The following PRKG1 variants were observed in gnomAD, a reference collection of about 807,000 sequenced individuals.
PRKG1 encodes protein kinase cGMP-dependent 1.
In PRKG1, 35 loss-of-function variants were observed where a neutral mutation model predicts 88.1. The observed-to-expected ratio is 0.40, with a 90% confidence interval of 0.30 to 0.53. PRKG1 has a LOEUF of 0.53. Ranked by LOEUF, PRKG1 falls within the 20% of genes least tolerant of loss-of-function variation. PRKG1 has a pLI of 0.59. For synonymous variants in PRKG1, 303 were observed against 292.5 expected, an observed-to-expected ratio of 1.04 and a Z score of -0.37; for missense variants, 540 against 839.8, an observed-to-expected ratio of 0.64 and a Z score of 4.41.
At chr10:51,121,812 G>A (rs1310621632) in intron 1 of PRKG1, among the ~76,000 whole-genome samples, 3 of 152,122 alleles carry the variant, frequency 2.0e-5, no homozygotes, top group South Asian at 4.1e-4. Context: ...CGTTGGATTC[G>A]TGAATGGTCT....
chr10:51,958,554 T>TC (rs1025977970), intron 5 of PRKG1, among the ~76,000 whole-genome samples: 5 of 151,348 alleles, frequency 3.3e-5, no homozygotes, highest in African/African-American at 1.2e-4. Context: ...TCCTTTTTTT[T>TC]TTTTTTTTCA....
At chr10:52,017,252 T>C (rs941321306) in intron 5 of PRKG1, among the ~76,000 whole-genome samples, 7 of 152,222 alleles carry the variant, frequency 4.6e-5, no homozygotes, top group African/African-American at 1.7e-4. Context: ...TGGTTTGAGT[T>C]GTAAATCTTC....
At chr10:51,005,037 G>T (rs568445935) in intron 1 of PRKG1, among the ~76,000 whole-genome samples, 1 of 152,002 alleles carries the variant, frequency 6.6e-6, no homozygotes, top group African/African-American at 2.4e-5. Context: ...TGGCAACCTC[G>T]GTAGAGATTT....
At chr10:51,728,160 T>G (rs1356619365) in intron 3 of PRKG1, among the ~76,000 whole-genome samples, 1 of 152,188 alleles carries the variant, frequency 6.6e-6, no homozygotes, top group African/African-American at 2.4e-5. Context: ...TATAGATTGC[T>G]ATTCATAGAT....
At chr10:51,163,114 G>A (rs1411975789) in intron 2 of PRKG1, among the ~76,000 whole-genome samples, 3 of 151,522 alleles carry the variant, frequency 2.0e-5, no homozygotes, top group Admixed American at 6.6e-5. Context: ...GGGGTGAGCC[G>A]AGATCACACC....
intron 3 of PRKG1, chr10:51,699,118 C>T (rs2081793772): frequency 1.2e-6 from 2 of 1,614,226 alleles, no homozygotes; most frequent in Non-Finnish European, 1.7e-6. Flanking sequence ...TCATCTGCTT[C>T]ATCAGCTCAA....
intron 5 of PRKG1, among the ~76,000 whole-genome samples, chr10:52,041,756 A>T (rs1053702158): frequency 1.3e-5 from 2 of 151,994 alleles, no homozygotes; most frequent in Non-Finnish European, 2.9e-5. Flanking sequence ...CAATTTTTTG[A>T]TATATAATTA....
At chr10:51,774,900 C>T (rs1413658747) in intron 3 of PRKG1, among the ~76,000 whole-genome samples, 1 of 152,050 alleles carries the variant, frequency 6.6e-6, no homozygotes, top group Non-Finnish European at 1.5e-5. Flanking sequence ...CCTTTTAAGA[C>T]ATTTGTGTTT....
chr10:51,071,310 C>T (rs1231974563), upstream of PRKG1, among the ~76,000 whole-genome samples: 2 of 152,110 alleles, frequency 1.3e-5, no homozygotes, highest in Non-Finnish European at 2.9e-5. Flanking sequence ...GAAAAACATA[C>T]TTAAAATATT....
intron 10 of PRKG1, among the ~76,000 whole-genome samples, chr10:52,269,143 A>G (rs1841652223): frequency 6.6e-6 from 1 of 152,108 alleles, no homozygotes; most frequent in Non-Finnish European, 1.5e-5. Context: ...GAACAACTGC[A>G]CAACAGTCCT....
chr10:51,298,873 A>G (rs1840794791), intron 2 of PRKG1, among the ~76,000 whole-genome samples: 1 of 152,182 alleles, frequency 6.6e-6, no homozygotes, highest in East Asian at 1.9e-4. Flanking sequence ...GCATGCAACA[A>G]AAGGTTGGAA....
intron 5 of PRKG1, among the ~76,000 whole-genome samples, chr10:52,020,940 C>T (rs1045091606): frequency 6.6e-6 from 1 of 152,100 alleles, no homozygotes; most frequent in African/African-American, 2.4e-5. Flanking sequence ...AATGGCCTCT[C>T]CCTGGTGCCT....
chr10:52,094,479 T>C (rs1428822018), intron 7 of PRKG1, among the ~76,000 whole-genome samples: 2 of 152,198 alleles, frequency 1.3e-5, no homozygotes, highest in African/African-American at 4.8e-5. Flanking sequence ...TCTTTTATTT[T>C]ATATCACCAC....
chr10:52,006,074 A>G (rs961468167), intron 5 of PRKG1, among the ~76,000 whole-genome samples: 3 of 135,456 alleles, frequency 2.2e-5, no homozygotes, highest in Middle Eastern at 3.9e-3. Context: ...CAAATAAGAT[A>G]AAAGAAAACA....
intron 3 of PRKG1, among the ~76,000 whole-genome samples, chr10:51,720,843 G>A (rs569036740): frequency 4.6e-5 from 7 of 152,188 alleles, no homozygotes; most frequent in African/African-American, 1.4e-4. Flanking sequence ...TATGTTCCTC[G>A]TGGATACAAA....
At chr10:51,578,980 GTTTTTTTTTTTTT>G (rs752412264) in intron 3 of PRKG1, among the ~76,000 whole-genome samples, 1 of 77,832 alleles carries the variant, frequency 1.3e-5, no homozygotes, top group African/African-American at 5.3e-5. Context: ...AGTTCTGTTG[GTTTTTTTTTTTTT>G]TTTTTTTTTT....
At chr10:51,947,955 C>G (rs973602645) in intron 5 of PRKG1, among the ~76,000 whole-genome samples, 2 of 152,126 alleles carry the variant, frequency 1.3e-5, no homozygotes, top group African/African-American at 2.4e-5. Context: ...AGACTGGACA[C>G]CGTCATTAAT....
intron 5 of PRKG1, among the ~76,000 whole-genome samples, chr10:52,023,016 A>G (rs1284024427): frequency 6.6e-6 from 1 of 152,152 alleles, no homozygotes; most frequent in Admixed American, 6.5e-5. Flanking sequence ...TGCTGTACCC[A>G]TCAACCCGTC....
intron 4 of PRKG1, among the ~76,000 whole-genome samples, chr10:51,895,421 C>G (rs1245977275): frequency 6.6e-6 from 1 of 152,126 alleles, no homozygotes; most frequent in East Asian, 1.9e-4. Flanking sequence ...TTCCTGAGCT[C>G]ACTTCCAGTA....
Sources: gnomAD v4.1 joint callset for allele counts (sites outside exome capture counted in the v4.1 genomes callset) on GRCh38, gnomAD v4.1.1 for gene constraint, MANE v1.5 for transcripts, NCBI Gene and HGNC (gene_info 2026-07-23, HGNC 2026-07-21) for gene names.